HECW2: variants seen among roughly 807,000 people sequenced by gnomAD.
The protein encoded by HECW2 is E3 ubiquitin-protein ligase HECW2.
In HECW2, 61 loss-of-function variants were observed where a neutral mutation model predicts 175.2. The ratio of observed to expected loss-of-function variants is 0.35; its 90% confidence interval spans 0.28 to 0.43. The LOEUF (loss-of-function observed/expected upper bound fraction) is 0.43. Among genes scored for constraint, HECW2 ranks in the 20% least tolerant of loss-of-function variants. The probability of loss-of-function intolerance (pLI) is 1.00; values close to 1 mark genes in which losing one functional copy is unlikely to be tolerated. For missense variants in HECW2, 1,524 were observed against 2,000.5 expected (o/e 0.76, Z 4.54); for synonymous variants, 671 against 731.0 (o/e 0.92, Z 1.32).
rs144966097 is a variant in HECW2, at chr2:196,318,561, C to T, written c.2329G>A (p.Ala777Thr). 16 of 1,510,516 alleles carry T rather than the reference C, an allele frequency of 1.1e-5. No individual in the cohort carries two copies. Among genetic ancestry groups the T allele is most frequent in the Admixed American group, 6.7e-5 (3 of 44,592 alleles). 93.6% of individuals were successfully genotyped at this position (1,510,516 alleles called of 1,614,324 possible). A position where few individuals can be genotyped will look rare whatever the true frequency, so the allele number is the denominator to read the frequency against. ...CEGATAQEEG[A>T]TGGSQANGHQ... Reference sequence around the variant, plus strand: ...GGTGTCCATATCCTACCTCCAGTAGCGCCCTCCTCCTGGGCAGTTGCCCCT... The same window carrying T: ...GGTGTCCATATCCTACCTCCAGTAGTGCCCTCCTCCTGGGCAGTTGCCCCT... The change falls in exon 9 of 29, where the codon GCT becomes ACT. Residue 777 changes from alanine to threonine, a missense_variant. Transcript: ENST00000644978.
chr2:196,296,402 C>CA (rs1690817122), intron 13 of HECW2, among the ~76,000 whole-genome samples: 1 of 152,042 alleles, frequency 6.6e-6, no homozygotes, highest in African/African-American at 2.4e-5. Flanking sequence ...TTGAAAAGGT[C>CA]AAAATCACTT....
chr2:196,227,170 C>T (rs1385781333), intron 22 of HECW2, among the ~76,000 whole-genome samples: 1 of 152,164 alleles, frequency 6.6e-6, no homozygotes, highest in African/African-American at 2.4e-5. Flanking sequence ...TGCAGCTAAA[C>T]AGAAGTTAAT....
At chr2:196,518,473 T>C (rs1688227547) in intron 1 of HECW2, among the ~76,000 whole-genome samples, 1 of 151,692 alleles carries the variant, frequency 6.6e-6, no homozygotes, top group Non-Finnish European at 1.5e-5. Context: ...CTGGTCAACA[T>C]CATGAAACCC....
chr2:196,299,019 A>C (rs777092564), intron 13 of HECW2, among the ~76,000 whole-genome samples: 1 of 152,208 alleles, frequency 6.6e-6, no homozygotes, highest in Non-Finnish European at 1.5e-5. Context: ...TGTCTGAGTT[A>C]TCTCCATTAA....
intron 1 of HECW2, among the ~76,000 whole-genome samples, chr2:196,434,499 C>T (rs1020690812): frequency 2.0e-5 from 3 of 152,152 alleles, no homozygotes; most frequent in Admixed American, 2.0e-4. Flanking sequence ...TAAAATACTT[C>T]CAGATACAGA....
At chr2:196,362,904 A>T (rs1470869244) in intron 2 of HECW2, among the ~76,000 whole-genome samples, 1 of 152,162 alleles carries the variant, frequency 6.6e-6, no homozygotes, top group Non-Finnish European at 1.5e-5. Context: ...ACCTCCAGGA[A>T]AACTAGATGA....
chr2:196,464,704 C>T (rs1321569670), intron 1 of HECW2, among the ~76,000 whole-genome samples: 3 of 151,266 alleles, frequency 2.0e-5, no homozygotes, highest in East Asian at 1.9e-4. Context: ...GATGATAAAC[C>T]TCCAAATAGG....
Position 196,487,147 on chromosome 2 carries a change from TA to T in HECW2, c.-35-53690del, listed in dbSNP as rs375017365. ...CTGAGCAACAGATTGAGACTCTGCC[TA>T]AAAAAAAAAAAAAAAAATTAGCCAG... is the stretch of plus-strand genomic sequence containing the variant. On this transcript the variant is annotated intron_variant, in intron 1 of 28. Transcript: ENST00000644978. 4.9e-3 allele frequency among the ~76,000 whole-genome samples: 605 copies of T among 123,838 alleles called. 2 individuals are homozygous for T. Among genetic ancestry groups the T allele is most frequent in the Admixed American group, 6.1e-3 (73 of 11,958 alleles). The allele number at this position is 123,838 out of a possible 152,430, so 81.2% of individuals were successfully genotyped here.
chr2:196,304,634 C>G (rs1691192394), intron 13 of HECW2, among the ~76,000 whole-genome samples: 1 of 152,214 alleles, frequency 6.6e-6, no homozygotes, highest in African/African-American at 2.4e-5. Context: ...CCTTCTGACT[C>G]CAAGTCTGAG....
chr2:196,578,181 A>T (rs962467674), intron 1 of HECW2, among the ~76,000 whole-genome samples: 1 of 152,192 alleles, frequency 6.6e-6, no homozygotes, highest in Non-Finnish European at 1.5e-5. Context: ...GCTTTAAAGG[A>T]CCAAAAAGAA....
chr2:196,461,321 A>G (rs187004921), intron 1 of HECW2, among the ~76,000 whole-genome samples: 29 of 152,256 alleles, frequency 1.9e-4, no homozygotes, highest in South Asian at 1.0e-3. Context: ...ACTACTACAC[A>G]CCCATTACTA....
At chr2:196,482,319 G>A (rs1464363841) in intron 1 of HECW2, among the ~76,000 whole-genome samples, 1 of 152,206 alleles carries the variant, frequency 6.6e-6, no homozygotes, top group Non-Finnish European at 1.5e-5. Context: ...GAGGTGGCGG[G>A]CCTGAGCCAG....
chr2:196,304,702 G>T (rs900796790), intron 13 of HECW2, among the ~76,000 whole-genome samples: 7 of 152,106 alleles, frequency 4.6e-5, no homozygotes, highest in Non-Finnish European at 1.0e-4. Context: ...CTAAATGTTA[G>T]CCCATTCTGC....
chr2:196,282,675 G>A (rs1690231522), intron 14 of HECW2, among the ~76,000 whole-genome samples: 1 of 152,148 alleles, frequency 6.6e-6, no homozygotes, highest in Non-Finnish European at 1.5e-5. Flanking sequence ...TGGAGACCAA[G>A]GTTTTATCAT....
chr2:196,497,370 A>T (rs1041236106), intron 1 of HECW2, among the ~76,000 whole-genome samples: 6 of 152,198 alleles, frequency 3.9e-5, no homozygotes, highest in Non-Finnish European at 7.3e-5. Flanking sequence ...ATATGAGTAA[A>T]TATTAAGTTT....
At chr2:196,242,456 C>A in intron 19 of HECW2, 1 of 459,712 alleles carries the variant, frequency 2.2e-6, no homozygotes, top group Admixed American at 3.7e-5. Flanking sequence ...CCATGTGTTT[C>A]TCAAGTATGT....
intron 15 of HECW2, among the ~76,000 whole-genome samples, chr2:196,274,512 A>G (rs1689867157): frequency 6.6e-6 from 1 of 152,204 alleles, no homozygotes; most frequent in African/African-American, 2.4e-5. Flanking sequence ...AGTGGTATAA[A>G]TGTTTTGGGG....
intron 17 of HECW2, 52 bp from the exon 18 acceptor site, chr2:196,257,958 T>C (rs1437680669): frequency 1.5e-6 from 2 of 1,327,520 alleles, no homozygotes; most frequent in Non-Finnish European, 2.2e-6. Context: ...CTTTAGGCTA[T>C]AACTCAGTAG....
intron 1 of HECW2, among the ~76,000 whole-genome samples, chr2:196,488,566 A>C (rs1290409358): frequency 1.3e-5 from 2 of 152,040 alleles, no homozygotes; most frequent in East Asian, 3.9e-4. Context: ...TTGTTAAAAT[A>C]ATAAAGAGCA....
Sources: allele counts gnomAD v4.1 joint callset (sites outside exome capture counted in the v4.1 genomes callset), GRCh38; gene constraint gnomAD v4.1.1; transcripts MANE v1.5; gene names NCBI Gene and HGNC (gene_info 2026-07-23, HGNC 2026-07-21).